MCTP1: variants seen among roughly 807,000 people sequenced by gnomAD.
MCTP1 encodes the protein multiple C2 and transmembrane domain-containing protein 1.
MCTP1 carries 69 observed loss-of-function variants against 120.6 expected under a neutral mutation model. That is an observed-to-expected ratio of 0.57 (90% CI 0.47 to 0.70). The LOEUF (loss-of-function observed/expected upper bound fraction) is 0.70, where lower values mean the gene tolerates loss of function less well. MCTP1 is among the 30% of genes least tolerant of loss of function. The pLI is 0.00. For missense variants in MCTP1, 1,203 were observed against 1,248.8 expected (o/e 0.96, Z 0.55); for synonymous variants, 529 against 493.1 (o/e 1.07, Z -0.96).
intron 17 of MCTP1, among the ~76,000 whole-genome samples, chr5:94,809,278 T>G (rs1782975067): frequency 6.6e-6 from 1 of 152,054 alleles, no homozygotes; most frequent in Non-Finnish European, 1.5e-5. Flanking sequence ...CAAGTTGTAC[T>G]GATAATTTGT....
intron 17 of MCTP1, among the ~76,000 whole-genome samples, chr5:94,844,301 CAA>C (rs59169145): frequency 0.091 from 7,189 of 79,386 alleles, 145 homozygotes; most frequent in East Asian, 0.26. Flanking sequence ...GACTCTGTCT[CAA>C]AAAAAAAAAA....
intron 2 of MCTP1, among the ~76,000 whole-genome samples, chr5:94,985,327 G>A (rs1239501654): frequency 6.6e-6 from 1 of 151,920 alleles, no homozygotes; most frequent in Non-Finnish European, 1.5e-5. Context: ...ACCTTAATTG[G>A]GACAAATGAT....
chr5:95,096,329 C>T (rs75472606), intron 1 of MCTP1, among the ~76,000 whole-genome samples: 3,965 of 152,268 alleles, frequency 0.026, 152 homozygotes, highest in African/African-American at 0.087. Flanking sequence ...GCAGACAAAA[C>T]AGAGTTTTTA....
chr5:94,973,845 C>T (rs930801282), intron 2 of MCTP1, among the ~76,000 whole-genome samples: 3 of 152,002 alleles, frequency 2.0e-5, no homozygotes, highest in South Asian at 2.1e-4. Flanking sequence ...GTTCACAGTT[C>T]GACCTCCAAG....
At chr5:94,781,232 T>G (rs1345799529) in intron 18 of MCTP1, among the ~76,000 whole-genome samples, 1 of 152,058 alleles carries the variant, frequency 6.6e-6, no homozygotes, top group Non-Finnish European at 1.5e-5. Context: ...AATAAAGTCA[T>G]TATTGTAGCT....
chr5:94,994,196 A>G (rs1832161467), intron 2 of MCTP1, among the ~76,000 whole-genome samples: 1 of 152,184 alleles, frequency 6.6e-6, no homozygotes. Context: ...ATCTAACCGT[A>G]GGCCTTAGAG....
At chr5:94,765,839 A>G (rs1193186512) in intron 19 of MCTP1, among the ~76,000 whole-genome samples, 8 of 152,066 alleles carry the variant, frequency 5.3e-5, no homozygotes, top group Admixed American at 5.2e-4. Context: ...GGGGAAAAAA[A>G]AAAGACTCAA....
chr5:94,797,395 T>G (rs746923577), intron 18 of MCTP1, among the ~76,000 whole-genome samples: 1 of 152,166 alleles, frequency 6.6e-6, no homozygotes, highest in Non-Finnish European at 1.5e-5. Context: ...AAAGTAGATA[T>G]TCTTCTCTCT....
chr5:95,120,357 A>C lies in MCTP1; in HGVS notation c.721-102873T>G, dbSNP rs187403701. ...GCAAGGCCAGTATTACCCTGATACC[A>C]AAATCAGACAAAGACACATTAAAAA... On this transcript the variant is annotated intron_variant, in intron 1 of 22. Transcript: ENST00000515393. Among the ~76,000 whole-genome samples the C allele has an allele frequency of 4.7e-3, 712 of 152,262 alleles. 2 individuals are homozygous for C. Among genetic ancestry groups the C allele is most frequent in the Non-Finnish European group, 7.6e-3 (517 of 68,020 alleles).
chr5:95,105,905 G>A (rs934237062), intron 1 of MCTP1, among the ~76,000 whole-genome samples: 1 of 152,242 alleles, frequency 6.6e-6, no homozygotes, highest in Non-Finnish European at 1.5e-5. Context: ...CTCACCATGT[G>A]TTATAGGTTT....
chr5:94,980,255 A>G (rs1829102344), intron 2 of MCTP1, among the ~76,000 whole-genome samples: 1 of 152,160 alleles, frequency 6.6e-6, no homozygotes, highest in South Asian at 2.1e-4. Context: ...TATTATGCAA[A>G]TGATTCATCT....
chr5:94,842,703 C>G (rs1472237631), intron 17 of MCTP1, among the ~76,000 whole-genome samples: 1 of 152,166 alleles, frequency 6.6e-6, no homozygotes, highest in Non-Finnish European at 1.5e-5. Context: ...AACAATATAT[C>G]TACTAATCAT....
chr5:95,158,904 G>A (rs1009581570), intron 1 of MCTP1, among the ~76,000 whole-genome samples: 1 of 152,160 alleles, frequency 6.6e-6, no homozygotes, highest in African/African-American at 2.4e-5. Context: ...CTGGGTGATA[G>A]ATCCAGACCT....
At chr5:94,953,138 A>C (rs995305360) in intron 3 of MCTP1, 81 bp downstream of exon 3, 25 of 1,315,130 alleles carry the variant, frequency 1.9e-5, no homozygotes, top group Non-Finnish European at 2.6e-5. Context: ...AACTCTCATC[A>C]GACAAAGAAA....
At chr5:94,960,376 TA>T (rs1823832413) in intron 2 of MCTP1, among the ~76,000 whole-genome samples, 3 of 152,058 alleles carry the variant, frequency 2.0e-5, no homozygotes, top group Non-Finnish European at 4.4e-5. Flanking sequence ...ACTTCATGAC[TA>T]AAACACCAAA....
At chr5:94,906,323 C>CA (rs778714740) in intron 10 of MCTP1, among the ~76,000 whole-genome samples, 1 of 151,876 alleles carries the variant, frequency 6.6e-6, no homozygotes, top group Non-Finnish European at 1.5e-5. Flanking sequence ...CTGCCTCTAC[C>CA]AAAAATACAA....
intron 1 of MCTP1, among the ~76,000 whole-genome samples, chr5:95,039,397 A>C (rs1245180301): frequency 6.6e-6 from 1 of 152,184 alleles, no homozygotes; most frequent in Non-Finnish European, 1.5e-5. Flanking sequence ...AAATGCTCTC[A>C]CCTGAGTGCA....
chr5:95,107,692 GA>G (rs888452352), intron 1 of MCTP1, among the ~76,000 whole-genome samples: 4 of 152,140 alleles, frequency 2.6e-5, no homozygotes, highest in Non-Finnish European at 5.9e-5. Context: ...AAAGTTCTAC[GA>G]ATTCTAAAAG....
chr5:94,920,208 C>T (rs527645408), intron 7 of MCTP1, among the ~76,000 whole-genome samples: 1 of 150,032 alleles, frequency 6.7e-6, no homozygotes, highest in African/African-American at 2.4e-5. Context: ...CTGAAATAAT[C>T]TACAAATTTC....
Sources: gnomAD v4.1 joint callset for allele counts (sites outside exome capture counted in the v4.1 genomes callset) on GRCh38, gnomAD v4.1.1 for gene constraint, MANE v1.5 for transcripts, NCBI Gene and HGNC (gene_info 2026-07-23, HGNC 2026-07-21) for gene names.